Variants in AMOT observed in about 807,000 individuals in gnomAD.
The protein encoded by AMOT is angiomotin.
AMOT carries 11 observed loss-of-function variants against 67.0 expected under a neutral mutation model. The observed-to-expected ratio is 0.16, with a 90% CI of 0.10 to 0.27. The LOEUF (loss-of-function observed/expected upper bound fraction) is 0.27, where lower values mean the gene tolerates loss of function less well. Among genes scored for constraint, AMOT ranks in the 10% least tolerant of loss-of-function variants. The probability of loss-of-function intolerance (pLI) is 1.00; values close to 1 mark genes in which losing one functional copy is unlikely to be tolerated. For missense variants in AMOT, 753 were observed against 852.0 expected, an observed-to-expected ratio of 0.88 and a Z score of 1.45; for synonymous variants, 326 against 321.4, an observed-to-expected ratio of 1.01 and a Z score of -0.15.
chrX:112,812,241 C>T (rs1396481587), intron 5 of AMOT, among the ~76,000 whole-genome samples: 4 of 111,699 alleles, frequency 3.6e-5, no homozygotes, highest in African/African-American at 1.3e-4. Context: ...GAAGGGTATT[C>T]TATTCTGAGT....
At chrX:112,833,661 C>T (rs1935060597) in intron 1 of AMOT, among the ~76,000 whole-genome samples, 1 of 111,903 alleles carries the variant, frequency 8.9e-6, no homozygotes, top group Admixed American at 9.5e-5. Flanking sequence ...GTTCTATTTC[C>T]CTAATTCATA....
intron 2 of AMOT, among the ~76,000 whole-genome samples, chrX:112,831,714 A>G (rs1036255450): frequency 1.8e-5 from 2 of 110,362 alleles, no homozygotes; most frequent in African/African-American, 3.3e-5. Flanking sequence ...AGGTTGAGAT[A>G]TATCTTTGGG....
chrX:112,829,930 A>G (rs1462624249), intron 2 of AMOT, among the ~76,000 whole-genome samples: 1 of 111,501 alleles, frequency 9.0e-6, no homozygotes, highest in Non-Finnish European at 1.9e-5. Context: ...CCCCTTCTTT[A>G]TTATCTCGAG....
At position 112,776,049 on chromosome X, in the gene AMOT, T is replaced by C. The variant is rs1471865240; in HGVS notation, c.*2518A>G. ...CTTCTTCCCTCTCTTGGATGTACAA[T>C]GTTATTTTAGCAAATTATCGGGGAT... On this transcript the variant is annotated 3_prime_UTR_variant, in exon 14 of 14. Coordinates refer to ENST00000371959, the MANE Select transcript of AMOT (RefSeq NM_001113490.2). The C allele has an allele frequency of 1.8e-5, 2 of 112,658 alleles. No individual in the cohort carries two copies. Among genetic ancestry groups the C allele is most frequent in the Non-Finnish European group, 3.7e-5 (2 of 53,374 alleles). 9.3% of individuals were successfully genotyped at this position (112,658 alleles called of 1,213,427 possible).
In AMOT at chrX:112,779,472, G is replaced by A. The variant is rs1213538901; in HGVS notation, c.2682C>T (p.Ala894=). 1.5e-5 allele frequency: 18 copies of A among 1,204,776 alleles called. No individual in the cohort carries two copies. The highest frequency in any genetic ancestry group is 6.0e-5 in the East Asian group (2 of 33,556). The stretch of plus-strand genomic sequence containing the variant: ...TGGTGGCAGCAGTGGCAGTGATGGC[G>A]GCAGCAGTGGCGGCAGCAGCAACTG... ...PAPVAAAATA[A]AITATAATIT... The change falls in exon 13 of 14, where the codon GCC becomes GCT. Residue 894 remains alanine, a synonymous_variant. Transcript: ENST00000371959.
intron 2 of AMOT, 82 bp from the exon 3 acceptor site, chrX:112,825,302 C>A (rs1205271117): frequency 9.0e-6 from 1 of 111,597 alleles, no homozygotes; most frequent in Non-Finnish European, 1.9e-5. Flanking sequence ...GTTAATCAAA[C>A]CAGTTCTTCC....
At chrX:112,824,491 T>C (rs1178246481) in intron 3 of AMOT, among the ~76,000 whole-genome samples, 1 of 111,693 alleles carries the variant, frequency 9.0e-6, no homozygotes, top group Non-Finnish European at 1.9e-5. Flanking sequence ...ACCCCTTTCT[T>C]TTGGTCATGC....
chrX:112,792,761 C>T (rs754352634), intron 8 of AMOT, among the ~76,000 whole-genome samples: 5 of 111,382 alleles, frequency 4.5e-5, no homozygotes, highest in Non-Finnish European at 7.5e-5. Flanking sequence ...CATAAAAGAT[C>T]CCGAAAGCCT....
intron 3 of AMOT, among the ~76,000 whole-genome samples, chrX:112,824,032 T>C (rs906025633): frequency 8.9e-6 from 1 of 112,284 alleles, no homozygotes; most frequent in Non-Finnish European, 1.9e-5. Flanking sequence ...TCCCTCACCA[T>C]CAATTCTTCT....
chrX:112,798,741 A>G (rs1465165019), intron 8 of AMOT, among the ~76,000 whole-genome samples: 1 of 112,514 alleles, frequency 8.9e-6, no homozygotes, highest in Non-Finnish European at 1.9e-5. Context: ...TCCTATTCAG[A>G]GATAAGTTTT....
At position 112,776,629 on chromosome X, in the gene AMOT, C is replaced by T. The variant is rs940756228; in HGVS notation, c.*1938G>A. ...AATTAGGAAGGATACCATTCCTATACTCACAGAGGAACCCCAAAAGATTAT... is the reference window on the plus strand; with the variant it reads ...AATTAGGAAGGATACCATTCCTATATTCACAGAGGAACCCCAAAAGATTAT... On this transcript the variant is annotated 3_prime_UTR_variant, in exon 14 of 14. Coordinates refer to ENST00000371959, the MANE Select transcript of AMOT (RefSeq NM_001113490.2). The T allele has an allele frequency of 1.8e-5, 2 of 111,926 alleles. No homozygotes were observed. The highest frequency in any genetic ancestry group is 1.9e-4 in the Admixed American group (2 of 10,492). 9.2% of individuals were successfully genotyped at this position (111,926 alleles called of 1,213,427 possible). A position where few individuals can be genotyped will look rare whatever the true frequency, so the allele number is the denominator to read the frequency against.
At chrX:112,808,152 C>T (rs912356861) in intron 7 of AMOT, among the ~76,000 whole-genome samples, 3 of 112,058 alleles carry the variant, frequency 2.7e-5, no homozygotes, top group Non-Finnish European at 3.8e-5. Flanking sequence ...AAGGAACATT[C>T]GTTGAATACG....
intron 8 of AMOT, among the ~76,000 whole-genome samples, chrX:112,802,174 C>G (rs1239117132): frequency 8.9e-6 from 1 of 112,230 alleles, no homozygotes; most frequent in Non-Finnish European, 1.9e-5. Flanking sequence ...CTTCCTAGAT[C>G]TGTTCCAGAA....
In AMOT at chrX:112,815,524, G is replaced by A. The variant is rs979840474; in HGVS notation, c.1226C>T (p.Ala409Val). 8.3e-7 allele frequency: 1 copy of A among 1,211,607 alleles called. No individual in the cohort carries two copies. The highest frequency in any genetic ancestry group is 1.7e-5 in the African/African-American group (1 of 57,704). ...PQQQPGEAYS[A>V]MPRAQPSSAS... ...AGAGGATGGCTGAGCCCGAGGCATA[G>A]CTGAATAGGCTTCTCCTGGCTGCTG... is the stretch of plus-strand genomic sequence containing the variant. Residue 409 changes from alanine to valine, a missense_variant, in exon 5 of 14, where the codon GCT becomes GTT. Physicochemically the swap from Ala to Val is moderately conservative, Grantham distance 64. Around this residue, in one of 5 missense-constraint regions of AMOT, gnomAD observed 297 missense variants for 284.3 expected, o/e 1.04. Coordinates refer to ENST00000371959, the MANE Select transcript of AMOT (RefSeq NM_001113490.2).
chrX:112,840,277 G>C (rs1602857754), intron 1 of AMOT, among the ~76,000 whole-genome samples, 175 bp downstream of exon 1: 1 of 111,456 alleles, frequency 9.0e-6, no homozygotes, highest in Non-Finnish European at 1.9e-5. Flanking sequence ...CACTCTAACC[G>C]ATTTAACTTG....
intron 5 of AMOT, among the ~76,000 whole-genome samples, chrX:112,812,859 G>A (rs1364734982): frequency 8.9e-6 from 1 of 112,110 alleles, no homozygotes; most frequent in Non-Finnish European, 1.9e-5. Context: ...CCAGAGACAG[G>A]ACTGCCTGCA....
chrX:112,788,194 T>C (rs774736271), intron 10 of AMOT, among the ~76,000 whole-genome samples: 10 of 107,366 alleles, frequency 9.3e-5, no homozygotes, highest in South Asian at 8.2e-4. Context: ...GAGGCTGAAG[T>C]AGGAGAATGG....
chrX:112,788,682 G>A (rs767474154), intron 10 of AMOT, among the ~76,000 whole-genome samples: 6 of 111,960 alleles, frequency 5.4e-5, no homozygotes, highest in Non-Finnish European at 9.4e-5. Flanking sequence ...AGCATCTCCT[G>A]TGGATTGGAT....
In AMOT at chrX:112,822,778, G is replaced by T; in HGVS notation, c.349C>A (p.Gln117Lys). Residue 117 changes from glutamine to lysine, a missense_variant, in exon 4 of 14, where the codon CAG becomes AAG. By Grantham distance (53) the Gln-to-Lys change is moderately conservative. Around this residue, in one of 5 missense-constraint regions of AMOT, gnomAD observed 118 missense variants for 125.9 expected, o/e 0.94. Coordinates refer to ENST00000371959, the MANE Select transcript of AMOT (RefSeq NM_001113490.2). Reference sequence around the variant, plus strand: ...GCATGCTGTTGGCCCCGAAAGTACTGGGACTGGACCTTGGCTTCTTCATAG... The same window carrying T: ...GCATGCTGTTGGCCCCGAAAGTACTTGGACTGGACCTTGGCTTCTTCATAG... ...PTYEEAKVQS[Q>K]YFRGQQHASV... 8.6e-7 allele frequency: 1 copy of T among 1,167,355 alleles called. No individual in the cohort carries two copies. Among genetic ancestry groups the T allele is most frequent in the African/African-American group, 1.8e-5 (1 of 56,149 alleles).
Sources: gnomAD v4.1 joint callset for allele counts (sites outside exome capture counted in the v4.1 genomes callset) on GRCh38, gnomAD v4.1.1 for gene constraint, gnomAD v4.1.1 regional missense constraint, MANE v1.5 for transcripts, NCBI Gene and HGNC (gene_info 2026-07-23, HGNC 2026-07-21) for gene names.